CEP350: variants seen among roughly 807,000 people sequenced by gnomAD.
CEP350 encodes centrosome-associated protein 350.
A neutral mutation model predicts 331.8 loss-of-function variants in CEP350; 126 were observed. The observed-to-expected ratio is 0.38, with a 90% CI of 0.33 to 0.44. The LOEUF (loss-of-function observed/expected upper bound fraction) is 0.44. Among genes scored for constraint, CEP350 ranks in the 20% least tolerant of loss-of-function variants. The pLI is 1.00. For missense variants in CEP350, 3,406 were observed against 3,634.6 expected (o/e 0.94, Z 1.62); for synonymous variants, 1,200 against 1,259.5 (o/e 0.95, Z 1.00).
At chr1:180,011,786 G>A in intron 8 of CEP350, 143 bp from the exon 9 acceptor site, 1 of 568,054 alleles carries the variant, frequency 1.8e-6, no homozygotes, top group South Asian at 2.7e-5. Flanking sequence ...GGGGAGGTTA[G>A]GGTTTAAAAA....
intron 4 of CEP350, among the ~76,000 whole-genome samples, chr1:179,991,703 GTGTGTA>G (rs1220156983): frequency 3.9e-5 from 5 of 129,386 alleles, no homozygotes; most frequent in African/African-American, 1.2e-4. Flanking sequence ...GTGTGTGTGT[GTGTGTA>G]TATATATATA....
At position 179,996,947 on chromosome 1, in the gene CEP350, A is replaced by G; in HGVS notation, c.790A>G (p.Thr264Ala). The G allele has an allele frequency of 1.9e-6, 3 of 1,614,052 alleles. 1 individual carries two copies. The South Asian group carries it at 3.3e-5, about 18-fold the overall frequency. The change falls in exon 6 of 38, where the codon ACT becomes GCT. Residue 264 changes from threonine (T) to alanine (A), a missense_variant. Thr to Ala is a moderately conservative substitution (Grantham distance 58). This residue lies in a region of CEP350 where 1,857 missense variants were observed against 1,909.2 expected (regional missense o/e 0.97). Transcript: ENST00000367607. ...TGACTCTTCTCCATCCTCTACTAGT[A>G]CTTCTAATTCCCAAAGATTAGATAT... The part of the protein sequence containing the change: ...LTDSSPSSTS[T>A]SNSQRLDILK...
intron 29 of CEP350, 46 bp downstream of exon 29, chr1:180,078,720 AC>A (rs1224716767): frequency 6.7e-7 from 1 of 1,489,142 alleles, no homozygotes; most frequent in East Asian, 2.5e-5. Flanking sequence ...TAGAAAAAAA[AC>A]TGAAAGGTAT....
rs367688925 is a variant in CEP350 at position 180,065,137 on chromosome 1, C to T, written c.5432C>T (p.Thr1811Ile). ...SKLDSHSDDD[T>I]KDNKATSPGP... The stretch of plus-strand genomic sequence containing the variant: ...CAGGACTCTCATAGTGATGATGATA[C>T]AAAGGATAATAAGGCAACCAGTCCT... The change falls in exon 27 of 38, where the codon ACA (threonine) becomes ATA (isoleucine). Residue 1811 changes from threonine (T) to isoleucine (I), a missense_variant. Thr to Ile is a moderately conservative substitution (Grantham distance 89, BLOSUM62 -1). Transcript: ENST00000367607. The T allele has an allele frequency of 6.2e-7, 1 of 1,607,698 alleles. No homozygotes were observed. The highest frequency in any genetic ancestry group is 8.5e-7 in the Non-Finnish European group (1 of 1,178,088).
intron 27 of CEP350, among the ~76,000 whole-genome samples, chr1:180,067,826 A>C (rs1453513195): frequency 1.3e-5 from 2 of 152,238 alleles, no homozygotes; most frequent in African/African-American, 4.8e-5. Context: ...AATACCATTT[A>C]TATTACCGGA....
rs1201024359 is a variant in CEP350 at position 179,997,011 on chromosome 1, T to C, written c.854T>C (p.Leu285Pro). 1.2e-6 allele frequency: 2 copies of C among 1,613,936 alleles called. No individual in the cohort carries two copies. Among genetic ancestry groups the C allele is most frequent in the South Asian group, 1.1e-5 (1 of 91,084 alleles). Residue 285 changes from leucine to proline, a missense_variant, in exon 6 of 38, where the codon CTT (leucine) becomes CCT (proline). This residue lies in a region of CEP350 where 1,857 missense variants were observed against 1,909.2 expected (regional missense o/e 0.97). Transcript: ENST00000367607. ...RRQHDVKLEK[L>P]KERIRKQWEH... ...CAACATGATGTCAAACTGGAAAAAC[T>C]TAAGGAACGGATTAGAAAACAGTGG...
chr1:180,008,010 C>G (rs1421894020), intron 8 of CEP350, among the ~76,000 whole-genome samples: 1 of 152,086 alleles, frequency 6.6e-6, no homozygotes, highest in Non-Finnish European at 1.5e-5. Context: ...TCTGTCTTCT[C>G]TCCAATTTTT....
At chr1:179,966,764 C>A (rs1266321791) in intron 1 of CEP350, among the ~76,000 whole-genome samples, 1 of 152,128 alleles carries the variant, frequency 6.6e-6, no homozygotes, top group Non-Finnish European at 1.5e-5. Flanking sequence ...GTTGTAACTT[C>A]CAAACCTAGT....
chr1:179,999,449 A>G (rs565521094), intron 6 of CEP350, among the ~76,000 whole-genome samples: 1 of 152,262 alleles, frequency 6.6e-6, no homozygotes, highest in African/African-American at 2.4e-5. Flanking sequence ...ATTATAGAAT[A>G]TGGCTTCCGA....
At chr1:180,033,502 A>G (rs1396903538) in intron 15 of CEP350, among the ~76,000 whole-genome samples, 4 of 152,134 alleles carry the variant, frequency 2.6e-5, no homozygotes, top group Admixed American at 2.6e-4. Context: ...TATGGCTCCA[A>G]TTTTATTGCT....
In CEP350 at chr1:179,992,201, T is replaced by C; in HGVS notation, c.375T>C (p.Arg125=). ...AGAAAAATAATCGTGTGGAATTTCG[T>C]GAACCTTTGGTTTCTTATAGGTTAG... ...NVKKNNRVEF[R]EPLVSYREIH... Residue 125 remains arginine, a synonymous_variant, in exon 5 of 38, where the codon CGT becomes CGC. Coordinates refer to ENST00000367607, the MANE Select transcript of CEP350 (RefSeq NM_014810.5). The C allele has an allele frequency of 6.6e-7, 1 of 1,507,284 alleles. No homozygotes were observed. The highest frequency in any genetic ancestry group is 2.7e-5 in the Admixed American group (1 of 36,534). 93.4% of individuals were successfully genotyped at this position (1,507,284 alleles called of 1,614,324 possible). A position where few individuals can be genotyped will look rare whatever the true frequency, so the allele number is the denominator to read the frequency against.
Position 180,014,403 on chromosome 1 carries a change from G to C in CEP350, c.1950G>C (p.Glu650Asp). Reference sequence around the variant, plus strand: ...AAGTAAAAAATGTCCCTCCTTCTGAGCCATCAGCAACTAGGCGACTACAGG... The same window carrying C: ...AAGTAAAAAATGTCCCTCCTTCTGACCCATCAGCAACTAGGCGACTACAGG... ...FTKVKNVPPS[E>D]PSATRRLQET... The change falls in exon 10 of 38, where the codon GAG becomes GAC. Residue 650 changes from glutamate (E) to aspartate (D), a missense_variant. Physicochemically the swap from Glu to Asp is conservative, Grantham distance 45. Around this residue, in one of 5 missense-constraint regions of CEP350, gnomAD observed 1,857 missense variants for 1,909.2 expected, o/e 0.97. Transcript: ENST00000367607. The C allele has an allele frequency of 1.2e-6, 2 of 1,604,610 alleles. No homozygotes were observed. Among genetic ancestry groups the C allele is most frequent in the South Asian group, 2.2e-5 (2 of 89,042 alleles).
At chr1:179,994,377 G>A (rs1653320428) in intron 5 of CEP350, among the ~76,000 whole-genome samples, 1 of 151,598 alleles carries the variant, frequency 6.6e-6, no homozygotes, top group African/African-American at 2.4e-5. Flanking sequence ...ATCACATTTA[G>A]CCTCGGTCTC....
chr1:180,036,900 C>T (rs1254881417), intron 16 of CEP350, 26 bp from the exon 17 acceptor site: 7 of 1,479,450 alleles, frequency 4.7e-6, no homozygotes, highest in Non-Finnish European at 6.3e-6. Flanking sequence ...TTAACTTTTC[C>T]ATTTGACCAT....
intron 31 of CEP350, 42 bp from the exon 32 acceptor site, chr1:180,087,536 A>C (rs1195414388): frequency 6.8e-7 from 1 of 1,478,820 alleles, no homozygotes; most frequent in Admixed American, 2.5e-5. Context: ...AATAAGTTTT[A>C]AAAATTCTGC....
intron 11 of CEP350, among the ~76,000 whole-genome samples, chr1:180,018,857 C>CTTTT (rs5779042): frequency 4.2e-5 from 6 of 142,092 alleles, no homozygotes; most frequent in African/African-American, 1.0e-4. Flanking sequence ...CTCTTTCTTT[C>CTTTT]TTTTTTTTTT....
chr1:180,036,962 G>C lies in CEP350; in HGVS notation c.3983G>C (p.Arg1328Pro). The C allele has an allele frequency of 6.3e-7, 1 of 1,588,878 alleles. No individual in the cohort carries two copies. The change falls in exon 17 of 38, where the codon CGT (arginine) becomes CCT (proline). Residue 1328 changes from arginine to proline, a missense_variant. By Grantham distance (103) the Arg-to-Pro change is moderately radical. This residue lies in a region of CEP350 where 1,857 missense variants were observed against 1,909.2 expected (regional missense o/e 0.97). Transcript: ENST00000367607. Reference sequence around the variant, plus strand: ...TTTTCTCCTGCTGGCCTCCATCATCGTATGGCAGCAGAACTCAGTTATCTG... The same window carrying C: ...TTTTCTCCTGCTGGCCTCCATCATCCTATGGCAGCAGAACTCAGTTATCTG... The part of the protein sequence containing the change: ...KRFSPAGLHH[R>P]MAAELSYLNA...
At chr1:180,012,760 A>G (rs1397583835) in intron 9 of CEP350, among the ~76,000 whole-genome samples, 3 of 152,248 alleles carry the variant, frequency 2.0e-5, no homozygotes, top group African/African-American at 7.2e-5. Flanking sequence ...GGCATATAGA[A>G]GTCAATGTAC....
At position 180,075,095 on chromosome 1, in the gene CEP350, C is replaced by T. The variant is rs777994975; in HGVS notation, c.5641C>T (p.Arg1881Cys). 5 of 1,613,406 alleles carry T rather than the reference C, an allele frequency of 3.1e-6. No individual in the cohort carries two copies. Among genetic ancestry groups the T allele is most frequent in the Admixed American group, 3.3e-5 (2 of 59,922 alleles). The change falls in exon 28 of 38, where the codon CGT becomes TGT. Residue 1881 changes from arginine (R) to cysteine (C), a missense_variant. Around this residue, in one of 5 missense-constraint regions of CEP350, gnomAD observed 1,415 missense variants for 1,512.3 expected, o/e 0.94. Coordinates refer to ENST00000367607, the MANE Select transcript of CEP350 (RefSeq NM_014810.5). ...AGAGGAGCTCCTAGAGTGGAAGCGA[C>T]GTTTAGATGCAGAAGAAGCAGAAAT... ...HAEELLEWKR[R>C]LDAEEAEIRQ... is the part of the protein sequence containing the mutation.
Sources: allele counts gnomAD v4.1 joint callset (sites outside exome capture counted in the v4.1 genomes callset), GRCh38; gene constraint gnomAD v4.1.1; regional missense constraint gnomAD v4.1.1; transcripts MANE v1.5; gene names NCBI Gene and HGNC (gene_info 2026-07-23, HGNC 2026-07-21).